The following SCG5 variants were observed in gnomAD, a reference collection of about 807,000 sequenced individuals.
SCG5 encodes the protein neuroendocrine protein 7B2.
A neutral mutation model predicts 25.7 loss-of-function variants in SCG5; 18 were observed. That is an observed-to-expected ratio of 0.70 (90% CI 0.48 to 1.04). The LOEUF (loss-of-function observed/expected upper bound fraction) is 1.04, where lower values mean the gene tolerates loss of function less well. Ranked by LOEUF, SCG5 falls within the 50% of genes least tolerant of loss-of-function variation. The pLI, the probability that SCG5 is intolerant of heterozygous loss-of-function variation, is 0.00. For synonymous variants in SCG5, 101 were observed against 91.7 expected, an observed-to-expected ratio of 1.10 and a Z score of -0.58; for missense variants, 206 against 259.8, an observed-to-expected ratio of 0.79 and a Z score of 1.42.
intron 3 of SCG5, among the ~76,000 whole-genome samples, chr15:32,682,171 G>T (rs2054631666): frequency 6.6e-6 from 1 of 152,156 alleles, no homozygotes; most frequent in African/African-American, 2.4e-5. Context: ...CTGAAAACTT[G>T]CTAAAAATGC....
intron 2 of SCG5, among the ~76,000 whole-genome samples, chr15:32,663,052 TATATATATATATATATATATATATATA>T (rs2054253729): frequency 5.4e-4 from 27 of 50,412 alleles, no homozygotes; most frequent in Admixed American, 6.8e-4. Flanking sequence ...TATATATATA[TATATATATATATATATATATATATATA>T]ATATATAATA....
intron 2 of SCG5, among the ~76,000 whole-genome samples, chr15:32,652,639 T>C (rs2054051186): frequency 1.3e-5 from 2 of 152,168 alleles, no homozygotes; most frequent in South Asian, 4.1e-4. Context: ...TACAGAGCTT[T>C]GGAGGTTTTG....
intron 2 of SCG5, among the ~76,000 whole-genome samples, chr15:32,658,874 C>T (rs1165772300): frequency 1.3e-5 from 2 of 152,144 alleles, no homozygotes; most frequent in Non-Finnish European, 2.9e-5. Flanking sequence ...AGTCACTCAG[C>T]ACTTAACAAC....
intron 2 of SCG5, among the ~76,000 whole-genome samples, chr15:32,668,773 T>G (rs1323998000): frequency 2.6e-5 from 4 of 152,180 alleles, no homozygotes; most frequent in African/African-American, 9.6e-5. Context: ...ACTCTCACGG[T>G]GGTGTCTTGG....
In SCG5 at chr15:32,653,502, G is replaced by A. The variant is rs557459097; in HGVS notation, c.226+9684G>A. Among the ~76,000 whole-genome samples the A allele has an allele frequency of 2.5e-4, 38 of 152,284 alleles. 1 individual carries two copies. In the South Asian group the frequency reaches 7.7e-3, roughly 31 times the overall value. ...CACTAGAACCAGATGTAAATCCTGG[G>A]TTCTCTAGAGAAACAGACAAACAGA... is the stretch of plus-strand genomic sequence containing the variant. On this transcript the variant is annotated intron_variant, in intron 2 of 5. Transcript: ENST00000300175.
intron 2 of SCG5, among the ~76,000 whole-genome samples, chr15:32,666,828 A>T (rs185747042): frequency 6.6e-6 from 1 of 152,340 alleles, no homozygotes; most frequent in Admixed American, 6.5e-5. Context: ...TAAGGTGATG[A>T]GGCCAATATT....
At chr15:32,673,670 T>C (rs889321495) in intron 2 of SCG5, among the ~76,000 whole-genome samples, 1 of 152,056 alleles carries the variant, frequency 6.6e-6, no homozygotes, top group Non-Finnish European at 1.5e-5. Flanking sequence ...ATTAATAACT[T>C]AGAAGGAGTG....
At chr15:32,664,398 G>A (rs374992728) in intron 2 of SCG5, among the ~76,000 whole-genome samples, 42 of 152,176 alleles carry the variant, frequency 2.8e-4, no homozygotes, top group South Asian at 8.3e-4. Context: ...CCCAGGCCTC[G>A]TTTGTCCATG....
At chr15:32,687,550 C>A (rs2054739276) in intron 4 of SCG5, among the ~76,000 whole-genome samples, 1 of 152,190 alleles carries the variant, frequency 6.6e-6, no homozygotes, top group Non-Finnish European at 1.5e-5. Flanking sequence ...AAACTGGGAA[C>A]CACAAACCTT....
At chr15:32,674,306 CCT>C (rs2054494401) in intron 2 of SCG5, among the ~76,000 whole-genome samples, 1 of 152,090 alleles carries the variant, frequency 6.6e-6, no homozygotes, top group South Asian at 2.1e-4. Flanking sequence ...TAATCGGAAA[CCT>C]CTGTTAATTC....
At chr15:32,664,743 T>C (rs540974667) in intron 2 of SCG5, among the ~76,000 whole-genome samples, 1 of 152,346 alleles carries the variant, frequency 6.6e-6, no homozygotes, top group Admixed American at 6.5e-5. Context: ...ATAAATAGCA[T>C]GTGTCCTGCT....
chr15:32,659,438 C>G (rs1018274593), intron 2 of SCG5, among the ~76,000 whole-genome samples: 6 of 152,164 alleles, frequency 3.9e-5, no homozygotes, highest in Non-Finnish European at 8.8e-5. Flanking sequence ...AGGAGGAAAA[C>G]TTTCCTGCTG....
At chr15:32,691,680 A>AT (rs769491997) in intron 4 of SCG5, 30 bp from the exon 5 acceptor site, 1 of 1,563,378 alleles carries the variant, frequency 6.4e-7, no homozygotes, top group Non-Finnish European at 8.7e-7. Flanking sequence ...ATACTTCTGC[A>AT]TTTTTTGTTT....
chr15:32,686,574 G>A (rs1368175484), intron 4 of SCG5, among the ~76,000 whole-genome samples: 2 of 152,144 alleles, frequency 1.3e-5, no homozygotes, highest in African/African-American at 2.4e-5. Context: ...GAGAGGAATA[G>A]AGGGAGGAAG....
intron 2 of SCG5, among the ~76,000 whole-genome samples, chr15:32,667,215 A>G (rs995391313): frequency 7.9e-5 from 12 of 152,350 alleles, no homozygotes; most frequent in Non-Finnish European, 4.4e-5. Context: ...GCACTGCTAT[A>G]TACTATTTTA....
At chr15:32,668,631 T>C (rs997605202) in intron 2 of SCG5, among the ~76,000 whole-genome samples, 1 of 152,208 alleles carries the variant, frequency 6.6e-6, no homozygotes, top group African/African-American at 2.4e-5. Context: ...CAGTTCCTGC[T>C]AACCCTTATC....
chr15:32,644,121 C>T (rs1207259670), intron 2 of SCG5, among the ~76,000 whole-genome samples: 2 of 152,156 alleles, frequency 1.3e-5, no homozygotes, highest in Admixed American at 6.5e-5. Flanking sequence ...ATAATAGGTG[C>T]TCAATTAATG....
At chr15:32,671,274 G>A (rs2140549566) in intron 2 of SCG5, among the ~76,000 whole-genome samples, 1 of 152,278 alleles carries the variant, frequency 6.6e-6, no homozygotes, top group Admixed American at 6.5e-5. Flanking sequence ...TGAATGTTGG[G>A]ACCCTCATTT....
At chr15:32,667,883 C>T (rs2054348270) in intron 2 of SCG5, among the ~76,000 whole-genome samples, 2 of 152,118 alleles carry the variant, frequency 1.3e-5, no homozygotes, top group South Asian at 4.1e-4. Context: ...CCATGTTGGC[C>T]AGGCTGGTCT....
Sources: gnomAD v4.1 joint callset for allele counts (sites outside exome capture counted in the v4.1 genomes callset) on GRCh38, gnomAD v4.1.1 for gene constraint, MANE v1.5 for transcripts, NCBI Gene and HGNC (gene_info 2026-07-23, HGNC 2026-07-21) for gene names.